SEPTIN11: variants seen among roughly 807,000 people sequenced by gnomAD.
SEPTIN11 encodes septin 11.
Under a neutral mutation model 51.4 loss-of-function variants are expected in SEPTIN11, and 25 were observed. That is an observed-to-expected ratio of 0.49 (90% CI 0.35 to 0.68). The LOEUF is 0.68. SEPTIN11 is among the 30% of genes least tolerant of loss of function. The probability of loss-of-function intolerance (pLI) is 0.00; values close to 1 mark genes in which losing one functional copy is unlikely to be tolerated. For synonymous variants in SEPTIN11, 174 were observed against 184.1 expected (o/e 0.95, Z 0.44); for missense variants, 381 against 520.8 (o/e 0.73, Z 2.61).
chr4:76,968,237 A>T (rs1722107406), intron 1 of SEPTIN11, among the ~76,000 whole-genome samples: 1 of 152,182 alleles, frequency 6.6e-6, no homozygotes, highest in African/African-American at 2.4e-5. Context: ...TCAACAAATT[A>T]TTAGTGCTAG....
chr4:76,959,707 T>C lies in SEPTIN11; in HGVS notation c.27+9777T>C, dbSNP rs1170703089. Among the ~76,000 whole-genome samples the C allele has an allele frequency of 2.1e-5, 3 of 146,318 alleles. No homozygotes were observed. The East Asian group carries it at 6.0e-4, about 29-fold the overall frequency. On this transcript the variant is annotated intron_variant, in intron 1 of 9. Transcript: ENST00000264893. ...TTAAAACTCTTTTGAAAAAAAATAA[T>C]CAAAGTTTTGGGCTTATATTGTCTG...
downstream of SEPTIN11, chr4:77,039,726 A>G: frequency 1.0e-6 from 1 of 985,260 alleles, no homozygotes; most frequent in Non-Finnish European, 1.2e-6. Context: ...TATTGATACA[A>G]TGTTTTTATT....
chr4:76,960,540 G>A (rs1354761232), intron 1 of SEPTIN11, among the ~76,000 whole-genome samples: 3 of 152,162 alleles, frequency 2.0e-5, no homozygotes, highest in Admixed American at 2.0e-4. Flanking sequence ...TATGTGAAGA[G>A]GACCAAGTCT....
intron 3 of SEPTIN11, among the ~76,000 whole-genome samples, chr4:77,006,309 T>C (rs934280363): frequency 1.3e-5 from 2 of 152,198 alleles, no homozygotes; most frequent in African/African-American, 4.8e-5. Context: ...TTTTATAATG[T>C]ACCCCATTTA....
At chr4:76,986,723 T>C (rs1242776057) in intron 1 of SEPTIN11, among the ~76,000 whole-genome samples, 15 of 152,212 alleles carry the variant, frequency 9.9e-5, no homozygotes, top group East Asian at 7.7e-4. Context: ...TCTCCTATTT[T>C]ACTCTGTTAA....
intron 3 of SEPTIN11, among the ~76,000 whole-genome samples, chr4:77,007,050 C>G (rs1724524598): frequency 6.6e-6 from 1 of 152,162 alleles, no homozygotes; most frequent in Non-Finnish European, 1.5e-5. Flanking sequence ...GGGCAGGGAA[C>G]AAGTTCAGCT....
intron 1 of SEPTIN11, among the ~76,000 whole-genome samples, chr4:76,977,704 C>CCTCTT (rs1373018129): frequency 1.3e-5 from 2 of 150,482 alleles, no homozygotes; most frequent in Non-Finnish European, 3.0e-5. Context: ...CTGGGGATGT[C>CCTCTT]CTCTTATCCC....
At chr4:77,002,626 C>CT (rs1349718360) in intron 2 of SEPTIN11, among the ~76,000 whole-genome samples, 4 of 152,172 alleles carry the variant, frequency 2.6e-5, no homozygotes, top group Non-Finnish European at 5.9e-5. Flanking sequence ...AGTGAGAACT[C>CT]TGTTTTATTT....
chr4:76,975,217 T>G lies in SEPTIN11; in HGVS notation c.28-21208T>G, dbSNP rs187950155. On this transcript the variant is annotated intron_variant, in intron 1 of 9. Transcript: ENST00000264893. Reference sequence around the variant, plus strand: ...AGTTACTCTTGGTGCCTCTCGTGTGTGTATCTCTAGGACTAAAGAATAACT... The same window carrying G: ...AGTTACTCTTGGTGCCTCTCGTGTGGGTATCTCTAGGACTAAAGAATAACT... Among the ~76,000 whole-genome samples the G allele has an allele frequency of 2.0e-3, 298 of 152,152 alleles. 2 individuals carry two copies. The highest frequency in any genetic ancestry group is 6.6e-3 in the African/African-American group (272 of 41,514).
intron 1 of SEPTIN11, among the ~76,000 whole-genome samples, chr4:76,954,057 T>C (rs1457945803): frequency 6.6e-6 from 1 of 152,218 alleles, no homozygotes; most frequent in Non-Finnish European, 1.5e-5. Context: ...GGATGCTTAG[T>C]GTTTGGGCAT....
intron 1 of SEPTIN11, among the ~76,000 whole-genome samples, chr4:76,963,960 T>A (rs957913478): frequency 2.6e-5 from 4 of 151,672 alleles, no homozygotes; most frequent in African/African-American, 7.3e-5. Context: ...CCCCTCCCCC[T>A]ACCCCACAAC....
intron 1 of SEPTIN11, among the ~76,000 whole-genome samples, chr4:76,993,460 C>G (rs78354684): frequency 0.028 from 4,333 of 152,118 alleles, 96 homozygotes; most frequent in East Asian, 0.11. Context: ...AAAAAAGACC[C>G]CTCAATCCTT....
chr4:76,982,025 T>C (rs1456221631), intron 1 of SEPTIN11, among the ~76,000 whole-genome samples: 1 of 152,176 alleles, frequency 6.6e-6, no homozygotes, highest in Non-Finnish European at 1.5e-5. Context: ...ATGCTCCCCA[T>C]TTAAGGACTA....
intron 1 of SEPTIN11, chr4:76,958,997 A>C: frequency 2.5e-6 from 2 of 795,108 alleles, no homozygotes; most frequent in East Asian, 5.1e-5. Context: ...ACAGTCATCC[A>C]CATCTACTTC....
intron 2 of SEPTIN11, among the ~76,000 whole-genome samples, chr4:76,997,453 G>A (rs767665004): frequency 1.3e-5 from 2 of 152,190 alleles, no homozygotes; most frequent in African/African-American, 4.8e-5. Flanking sequence ...ATGGAAGTTG[G>A]GGGGAGTGCA....
chr4:76,985,215 T>C (rs1194136750), intron 1 of SEPTIN11: 1 of 152,234 alleles, frequency 6.6e-6, no homozygotes, highest in African/African-American at 2.4e-5. Context: ...AAAATGTCTT[T>C]TTTGTTGTTG....
intron 7 of SEPTIN11, among the ~76,000 whole-genome samples, chr4:77,022,904 G>C (rs902540505): frequency 1.4e-5 from 2 of 143,824 alleles, no homozygotes; most frequent in Non-Finnish European, 3.0e-5. Flanking sequence ...CCACCATCTT[G>C]ACTGGGTTCC....
chr4:77,028,093 CTA>C (rs986884799), intron 7 of SEPTIN11, among the ~76,000 whole-genome samples: 1 of 152,112 alleles, frequency 6.6e-6, no homozygotes, highest in African/African-American at 2.4e-5. Flanking sequence ...TGGGCACTGA[CTA>C]TATGTTCGAT....
At chr4:76,999,114 T>G (rs971719782) in intron 2 of SEPTIN11, among the ~76,000 whole-genome samples, 1 of 152,202 alleles carries the variant, frequency 6.6e-6, no homozygotes, top group Non-Finnish European at 1.5e-5. Flanking sequence ...ATCCTGGATA[T>G]CCTTCGTTGT....
Sources: allele counts gnomAD v4.1 joint callset (sites outside exome capture counted in the v4.1 genomes callset), GRCh38; gene constraint gnomAD v4.1.1; transcripts MANE v1.5; gene names NCBI Gene and HGNC (gene_info 2026-07-23, HGNC 2026-07-21).